TLN2: variants seen among roughly 807,000 people sequenced by gnomAD.
The protein encoded by TLN2 is talin 2, also known as talin-2.
A neutral mutation model predicts 294.7 loss-of-function variants in TLN2; 118 were observed. The observed-to-expected ratio is 0.40, with a 90% CI of 0.34 to 0.47. The LOEUF (loss-of-function observed/expected upper bound fraction) is 0.47. Among genes scored for constraint, TLN2 ranks in the 20% least tolerant of loss-of-function variants. The probability of loss-of-function intolerance (pLI) is 0.84; values close to 1 mark genes in which losing one functional copy is unlikely to be tolerated. For synonymous variants in TLN2, 1,431 were observed against 1,304.5 expected (o/e 1.10, Z -2.09); for missense variants, 3,083 against 3,282.2 (o/e 0.94, Z 1.48).
At chr15:62,481,518 A>G (rs2038088138) in intron 1 of TLN2, among the ~76,000 whole-genome samples, 1 of 152,144 alleles carries the variant, frequency 6.6e-6, no homozygotes, top group African/African-American at 2.4e-5. Flanking sequence ...ACATGCCACC[A>G]TGCCTAGCTA....
intron 1 of TLN2, among the ~76,000 whole-genome samples, chr15:62,580,601 G>A (rs919379681): frequency 4.6e-5 from 7 of 152,024 alleles, no homozygotes; most frequent in African/African-American, 1.2e-4. Flanking sequence ...TGTAGAGATG[G>A]GGTTTTGCCA....
At chr15:62,520,465 G>C (rs1449099543) in intron 1 of TLN2, among the ~76,000 whole-genome samples, 2 of 152,186 alleles carry the variant, frequency 1.3e-5, no homozygotes, top group East Asian at 3.8e-4. Flanking sequence ...ATATGCACAG[G>C]CATACAGCCT....
rs148948550 is a variant in TLN2, at chr15:62,540,062, G to C, written c.-237-49625G>C. Among the ~76,000 whole-genome samples, 457 of 152,272 alleles carry C rather than the reference G, an allele frequency of 3.0e-3. 3 individuals carry two copies. Among genetic ancestry groups the C allele is most frequent in the African/African-American group, 0.011 (440 of 41,572 alleles). On this transcript the variant is annotated intron_variant, in intron 1 of 58. Transcript: ENST00000636159. Reference sequence around the variant, plus strand: ...TTAAATATAAAAAATAAAACAGGCTGGGTACAGTGGCTCACACCTGTAATC... The same window carrying C: ...TTAAATATAAAAAATAAAACAGGCTCGGTACAGTGGCTCACACCTGTAATC...
At chr15:62,453,258 ATTTTTT>A (rs35433926) in intron 1 of TLN2, among the ~76,000 whole-genome samples, 10 of 143,438 alleles carry the variant, frequency 7.0e-5, no homozygotes, top group African/African-American at 2.6e-4. Flanking sequence ...TTGTCAACCT[ATTTTTT>A]TTTTTTTTTT....
intron 14 of TLN2, among the ~76,000 whole-genome samples, chr15:62,695,036 C>T (rs1017774022): frequency 6.6e-5 from 10 of 152,158 alleles, no homozygotes; most frequent in African/African-American, 2.2e-4. Flanking sequence ...CAATGCCTGG[C>T]ACATAGCACT....
intron 1 of TLN2, among the ~76,000 whole-genome samples, chr15:62,500,157 T>C (rs2039231815): frequency 6.6e-6 from 1 of 151,886 alleles, no homozygotes; most frequent in African/African-American, 2.4e-5. Flanking sequence ...GCCAACACAG[T>C]GAAACCCGGT....
intron 1 of TLN2, among the ~76,000 whole-genome samples, chr15:62,529,760 A>G (rs1488453805): frequency 6.6e-6 from 1 of 152,158 alleles, no homozygotes; most frequent in Admixed American, 6.5e-5. Context: ...TATTTTGGAA[A>G]TCTTTGCACA....
rs528228484 is a variant in TLN2 at position 62,446,164 on chromosome 15, GC to G, written c.-238+55483del. ...TGAGACTACAGGCGCCCGCCACCACGCCCCGCTAATTTTTTGGTAGAGACAG... is the reference window on the plus strand; with the variant it reads ...TGAGACTACAGGCGCCCGCCACCACGCCCGCTAATTTTTTGGTAGAGACAG... On this transcript the variant is annotated intron_variant, in intron 1 of 58. Coordinates refer to ENST00000636159, the MANE Select transcript of TLN2 (RefSeq NM_015059.3). Among the ~76,000 whole-genome samples the G allele has an allele frequency of 2.0e-3, 303 of 151,886 alleles. 1 individual carries two copies. The highest frequency in any genetic ancestry group is 6.8e-3 in the African/African-American group (282 of 41,418).
intron 28 of TLN2, among the ~76,000 whole-genome samples, chr15:62,734,951 G>C (rs1256297575): frequency 1.3e-5 from 2 of 152,132 alleles, no homozygotes; most frequent in Non-Finnish European, 2.9e-5. Context: ...CACTGGTGCC[G>C]AGAGACCTTC....
chr15:62,542,778 G>A (rs763941665), intron 1 of TLN2, among the ~76,000 whole-genome samples: 40 of 152,176 alleles, frequency 2.6e-4, no homozygotes, highest in East Asian at 7.8e-4. Context: ...TCACCATCAT[G>A]CTGTCTTCAA....
chr15:62,738,808 T>G (rs1275763352), intron 30 of TLN2, among the ~76,000 whole-genome samples: 2 of 152,162 alleles, frequency 1.3e-5, no homozygotes, highest in African/African-American at 4.8e-5. Flanking sequence ...TGTTTGTGGG[T>G]GATGAATAGA....
intron 1 of TLN2, among the ~76,000 whole-genome samples, chr15:62,582,246 A>ACACACC (rs764248336): frequency 1.2e-3 from 160 of 137,308 alleles, no homozygotes; most frequent in Admixed American, 7.0e-3. Context: ...ACACACACAC[A>ACACACC]CATTCATGCC....
intron 11 of TLN2, among the ~76,000 whole-genome samples, chr15:62,684,932 C>A (rs543863442): frequency 6.7e-6 from 1 of 150,356 alleles, no homozygotes; most frequent in African/African-American, 2.5e-5. Flanking sequence ...TGTGTAGACA[C>A]ATCCACAAAT....
intron 35 of TLN2, 35 bp from the exon 36 acceptor site, chr15:62,753,738 G>C (rs751758168): frequency 2.4e-4 from 377 of 1,576,414 alleles, no homozygotes; most frequent in Non-Finnish European, 3.2e-4. Flanking sequence ...TAGGAGCACG[G>C]AGCCTGAGCT....
intron 32 of TLN2, among the ~76,000 whole-genome samples, chr15:62,746,853 T>G (rs1180552811): frequency 1.3e-5 from 2 of 152,234 alleles, no homozygotes; most frequent in African/African-American, 2.4e-5. Context: ...AGTTTAAGTC[T>G]TATTTCTGCT....
intron 1 of TLN2, among the ~76,000 whole-genome samples, chr15:62,421,475 C>T (rs950992277): frequency 1.3e-5 from 2 of 152,006 alleles, no homozygotes; most frequent in Admixed American, 6.6e-5. Context: ...GAGTGTTGTT[C>T]GTGGAATACT....
chr15:62,608,589 T>C (rs1442132202), intron 2 of TLN2, among the ~76,000 whole-genome samples: 1 of 152,064 alleles, frequency 6.6e-6, no homozygotes, highest in Non-Finnish European at 1.5e-5. Flanking sequence ...TTTCTGGTGT[T>C]GGGAGGTGGG....
chr15:62,572,463 C>G (rs1328327441), intron 1 of TLN2, among the ~76,000 whole-genome samples: 1 of 152,126 alleles, frequency 6.6e-6, no homozygotes, highest in Non-Finnish European at 1.5e-5. Context: ...CCAGGCTGGT[C>G]TCGAACTCCA....
rs145966562 is a variant in TLN2 at position 62,538,127 on chromosome 15, G to A, written c.-237-51560G>A. On this transcript the variant is annotated intron_variant, in intron 1 of 58. Coordinates refer to ENST00000636159, the MANE Select transcript of TLN2 (RefSeq NM_015059.3). ...ACTCCAGCTACTCAGAGGCTGAGGTGGGAGAATTGTTTGAACCCAGGAGGC... is the reference window on the plus strand; with the variant it reads ...ACTCCAGCTACTCAGAGGCTGAGGTAGGAGAATTGTTTGAACCCAGGAGGC... 1.2e-4 allele frequency among the ~76,000 whole-genome samples: 19 copies of A among 152,182 alleles called. No homozygotes were observed. The East Asian group carries it at 3.7e-3, about 29-fold the overall frequency.
Sources: gnomAD v4.1 joint callset for allele counts (sites outside exome capture counted in the v4.1 genomes callset) on GRCh38, gnomAD v4.1.1 for gene constraint, MANE v1.5 for transcripts, NCBI Gene and HGNC (gene_info 2026-07-23, HGNC 2026-07-21) for gene names.